RUFY1: variants seen among roughly 807,000 people sequenced by gnomAD.
RUFY1 encodes the protein RUN and FYVE domain containing 1, also known as RUN and FYVE domain-containing protein 1.
In RUFY1, 54 loss-of-function variants were observed where a neutral mutation model predicts 94.6. That is an observed-to-expected ratio of 0.57 (90% CI 0.46 to 0.72). The LOEUF (loss-of-function observed/expected upper bound fraction) is 0.72, where lower values mean the gene tolerates loss of function less well. Ranked by LOEUF, RUFY1 falls within the 30% of genes least tolerant of loss-of-function variation. The pLI, the probability that RUFY1 is intolerant of heterozygous loss-of-function variation, is 0.00. For missense variants in RUFY1, 883 were observed against 883.9 expected, an observed-to-expected ratio of 1.00 and a Z score of 0.01; for synonymous variants, 396 against 347.3, an observed-to-expected ratio of 1.14 and a Z score of -1.56.
chr5:179,569,550 A>AGCTGCATCCCT, intron 5 of RUFY1, 125 bp downstream of exon 5: 2 of 924,720 alleles, frequency 2.2e-6, no homozygotes, highest in Non-Finnish European at 3.5e-6. Flanking sequence ...AGAGGACCCC[A>AGCTGCATCCCT]GGGATGCAGC....
At chr5:179,560,256 T>C in intron 2 of RUFY1, 58 bp downstream of exon 2, 1 of 1,573,544 alleles carries the variant, frequency 6.4e-7, no homozygotes, top group Non-Finnish European at 8.7e-7. Context: ...TTGCTCAGCA[T>C]TTTTTCATCA....
intron 15 of RUFY1, among the ~76,000 whole-genome samples, chr5:179,603,039 G>A (rs1766609356): frequency 6.6e-6 from 1 of 152,130 alleles, no homozygotes; most frequent in Non-Finnish European, 1.5e-5. Flanking sequence ...AGACTGAGGT[G>A]AGCAGATCAC....
chr5:179,569,357 G>T lies in RUFY1; in HGVS notation c.760G>T (p.Gly254Cys). ...MMEEEGMVIV[G>C]LLVGLNVLDA... is the part of the protein sequence containing the mutation. ...GGAGGAAGAAGGGATGGTGATTGTT[G>T]GTCTGCTGGTGGGACTCAATGTTCT... is the stretch of plus-strand genomic sequence containing the variant. Residue 254 changes from glycine (G) to cysteine (C), a missense_variant, in exon 5 of 18, where the codon GGT becomes TGT. Physicochemically the swap from Gly to Cys is radical, Grantham distance 159. Transcript: ENST00000319449. 1 of 1,613,608 alleles carries T rather than the reference G, an allele frequency of 6.2e-7. No homozygotes were observed. Among genetic ancestry groups the T allele is most frequent in the Non-Finnish European group, 8.5e-7 (1 of 1,179,952 alleles).
rs7704860 is a variant in RUFY1, at chr5:179,598,606, C to T, written c.1632-86C>T. On this transcript the variant is annotated intron_variant, in intron 13 of 17. Coordinates refer to ENST00000319449, the MANE Select transcript of RUFY1 (RefSeq NM_025158.5). ...GCTCAAGAGGCAATTCAGAGACTTC[C>T]CTGTTTCCTGGGCGGTGAATTGGGT... 2.8e-3 allele frequency: 4,231 copies of T among 1,511,018 alleles called. 93 individuals are homozygous for T. The African/African-American group carries it at 0.044, about 16-fold the overall frequency. The allele number at this position is 1,511,018 out of a possible 1,614,324, so 93.6% of individuals were successfully genotyped here.
intron 10 of RUFY1, among the ~76,000 whole-genome samples, chr5:179,592,165 G>C (rs1765172826): frequency 6.6e-6 from 1 of 151,954 alleles, no homozygotes; most frequent in African/African-American, 2.4e-5. Context: ...TGTCGCCCAG[G>C]CTAGAGTGCA....
chr5:179,567,666 A>G, intron 4 of RUFY1, 104 bp downstream of exon 4: 1 of 740,120 alleles, frequency 1.4e-6, no homozygotes, highest in South Asian at 1.7e-5. Context: ...TGGGAGGCCA[A>G]GATCAGGTGG....
chr5:179,608,894 GCA>G (rs1767392881), intron 17 of RUFY1, among the ~76,000 whole-genome samples: 1 of 145,750 alleles, frequency 6.9e-6, no homozygotes, highest in Admixed American at 7.1e-5. Flanking sequence ...TTGCGCCACT[GCA>G]CCCCAGCCTG....
chr5:179,572,748 C>T (rs1296349488), intron 5 of RUFY1: 4 of 158,396 alleles, frequency 2.5e-5, no homozygotes, highest in Admixed American at 6.5e-5. Context: ...CTAGGCTGGC[C>T]GATGGATAGT....
rs768314108 is a variant in RUFY1 at position 179,567,550 on chromosome 5, A to G, written c.692A>G (p.Lys231Arg). ...ADYLKVLIDN[K>R]HLLSEFYEPE... ...TATCTGAAAGTGCTTATAGACAATA[A>G]ACATCTCTTAAGGTATTTCATCAAC... is the stretch of plus-strand genomic sequence containing the variant. Residue 231 changes from lysine (K) to arginine (R), a missense_variant, in exon 4 of 18, where the codon AAA (lysine) becomes AGA (arginine). By Grantham distance (26) the Lys-to-Arg change is conservative. Transcript: ENST00000319449. The G allele has an allele frequency of 1.9e-6, 3 of 1,605,468 alleles. No individual in the cohort carries two copies. Among genetic ancestry groups the G allele is most frequent in the Admixed American group, 3.3e-5 (2 of 59,998 alleles).
intron 3 of RUFY1, among the ~76,000 whole-genome samples, chr5:179,564,119 CTTTT>C (rs59530799): frequency 2.2e-5 from 3 of 133,526 alleles, no homozygotes; most frequent in African/African-American, 5.6e-5. Flanking sequence ...CTGATGTTTT[CTTTT>C]TTTTTTTTTT....
chr5:179,607,422 G>A (rs1767215558), intron 16 of RUFY1, 160 bp from the exon 17 acceptor site: 2 of 654,710 alleles, frequency 3.1e-6, no homozygotes, highest in South Asian at 3.6e-5. Flanking sequence ...CGGGGAAAGA[G>A]CCCCTTGATG....
chr5:179,563,575 A>G (rs1561972780), intron 3 of RUFY1, among the ~76,000 whole-genome samples: 1 of 152,212 alleles, frequency 6.6e-6, no homozygotes, highest in Non-Finnish European at 1.5e-5. Context: ...CATTCTTCTC[A>G]AGATTAGATT....
At chr5:179,565,725 G>C (rs924796321) in intron 3 of RUFY1, among the ~76,000 whole-genome samples, 4 of 152,162 alleles carry the variant, frequency 2.6e-5, no homozygotes, top group Non-Finnish European at 4.4e-5. Context: ...ACCACAAACC[G>C]TGATAATGAT....
At chr5:179,591,463 C>T (rs576385195) in intron 9 of RUFY1, among the ~76,000 whole-genome samples, 162 bp from the exon 10 acceptor site, 148 of 152,310 alleles carry the variant, frequency 9.7e-4, no homozygotes, top group African/African-American at 3.3e-3. Context: ...GGATTACAGG[C>T]GTGAGCCAAT....
At chr5:179,591,528 T>C in intron 9 of RUFY1, 97 bp from the exon 10 acceptor site, 1 of 805,658 alleles carries the variant, frequency 1.2e-6, no homozygotes, top group Non-Finnish European at 2.0e-6. Context: ...AAAAATTACC[T>C]TACATTTTTT....
At chr5:179,591,588 A>G in intron 9 of RUFY1, 37 bp from the exon 10 acceptor site, 1 of 1,292,228 alleles carries the variant, frequency 7.7e-7, no homozygotes, top group Non-Finnish European at 1.1e-6. Context: ...GCTTTCCATA[A>G]GCAAACAATT....
At chr5:179,579,915 C>T (rs983074287) in intron 6 of RUFY1, among the ~76,000 whole-genome samples, 1 of 151,292 alleles carries the variant, frequency 6.6e-6, no homozygotes, top group Non-Finnish European at 1.5e-5. Flanking sequence ...GTGATCTGCC[C>T]ACCTCGGCCT....
intron 9 of RUFY1, 63 bp downstream of exon 9, chr5:179,589,710 C>A: frequency 8.1e-7 from 1 of 1,238,694 alleles, no homozygotes; most frequent in Non-Finnish European, 1.2e-6. Context: ...TTGTCAATCT[C>A]AAGCTCATGG....
intron 3 of RUFY1, among the ~76,000 whole-genome samples, chr5:179,564,528 G>A (rs1269864559): frequency 6.7e-6 from 1 of 149,916 alleles, no homozygotes; most frequent in Non-Finnish European, 1.5e-5. Flanking sequence ...AGGCTCAAGT[G>A]ATCTTTCCCA....
Sources: gnomAD v4.1 joint callset for allele counts (sites outside exome capture counted in the v4.1 genomes callset) on GRCh38, gnomAD v4.1.1 for gene constraint, MANE v1.5 for transcripts, NCBI Gene and HGNC (gene_info 2026-07-23, HGNC 2026-07-21) for gene names.